The following CDH20 variants were observed in gnomAD, a reference collection of about 807,000 sequenced individuals.
The protein encoded by CDH20 is cadherin-20.
A neutral mutation model predicts 74.2 loss-of-function variants in CDH20; 29 were observed. The observed-to-expected ratio is 0.39, with a 90% CI of 0.29 to 0.53. The LOEUF (loss-of-function observed/expected upper bound fraction) is 0.53, where lower values mean the gene tolerates loss of function less well. CDH20 is among the 20% of genes least tolerant of loss of function. The pLI is 0.69. For synonymous variants in CDH20, 469 were observed against 405.4 expected, an observed-to-expected ratio of 1.16 and a Z score of -1.88; for missense variants, 988 against 1,048.3, an observed-to-expected ratio of 0.94 and a Z score of 0.79.
chr18:61,549,567 G>A lies in CDH20; in HGVS notation c.1649-411G>A, dbSNP rs560826553. On this transcript the variant is annotated intron_variant, in intron 10 of 11. Coordinates refer to ENST00000262717, the MANE Select transcript of CDH20 (RefSeq NM_031891.4). ...ACAGGCTCCTCAGCATTCTTTTCCTGGAGGCGCAAAGCAGCACTGGGGCCT... is the reference window on the plus strand; with the variant it reads ...ACAGGCTCCTCAGCATTCTTTTCCTAGAGGCGCAAAGCAGCACTGGGGCCT... 2.0e-5 allele frequency among the ~76,000 whole-genome samples: 3 copies of A among 152,310 alleles called. No individual in the cohort carries two copies. The South Asian group carries it at 6.2e-4, about 32-fold the overall frequency.
intron 1 of CDH20, among the ~76,000 whole-genome samples, chr18:61,456,069 T>C (rs1388047763): frequency 6.6e-6 from 1 of 152,224 alleles, no homozygotes; most frequent in Non-Finnish European, 1.5e-5. Context: ...AACCCTATCA[T>C]TTAACAAGCT....
At position 61,367,854 on chromosome 18, in the gene CDH20, G is replaced by A. The variant is rs186133087; in HGVS notation, c.-153+34027G>A. ...GGCTGTGAGAGAAGGATCTGTTCCA[G>A]GTCTCTCTCTTTGGCTTGTAGATGG... is the stretch of plus-strand genomic sequence containing the variant. On this transcript the variant is annotated intron_variant, in intron 1 of 11. Coordinates refer to ENST00000262717, the MANE Select transcript of CDH20 (RefSeq NM_031891.4). 1.6e-3 allele frequency among the ~76,000 whole-genome samples: 249 copies of A among 152,180 alleles called. 2 individuals carry two copies. The highest frequency in any genetic ancestry group is 5.6e-3 in the African/African-American group (232 of 41,554).
intron 2 of CDH20, among the ~76,000 whole-genome samples, chr18:61,491,613 G>A (rs943355444): frequency 2.6e-5 from 4 of 152,086 alleles, no homozygotes; most frequent in Admixed American, 6.5e-5. Context: ...TGCTCATCTC[G>A]GCTTCCTCAA....
intron 1 of CDH20, among the ~76,000 whole-genome samples, chr18:61,456,782 CTG>C (rs1290281306): frequency 1.3e-5 from 2 of 152,118 alleles, no homozygotes; most frequent in African/African-American, 4.8e-5. Flanking sequence ...GTTCTGAAAA[CTG>C]GGAAATCCAA....
intron 1 of CDH20, among the ~76,000 whole-genome samples, chr18:61,419,676 G>T (rs1912810512): frequency 1.3e-5 from 2 of 150,648 alleles, no homozygotes; most frequent in East Asian, 1.9e-4. Flanking sequence ...AATACTCTCT[G>T]GTTCTTTTAA....
chr18:61,369,399 G>A (rs1033591238), intron 1 of CDH20, among the ~76,000 whole-genome samples: 5 of 152,060 alleles, frequency 3.3e-5, no homozygotes, highest in African/African-American at 9.7e-5. Flanking sequence ...TCTATAACTC[G>A]AAGCATAATA....
In CDH20 at chr18:61,545,134, G is replaced by A. The variant is rs998003970; in HGVS notation, c.1638G>A (p.Arg546=). The change falls in exon 10 of 12, where the codon AGG becomes AGA. Residue 546 remains arginine (R), a synonymous_variant. Transcript: ENST00000262717. The stretch of plus-strand genomic sequence containing the variant: ...CTAACAACCCCAACTTTACCATAAG[G>A]GACAACCAAGGTAATCAGGTGGATG... ...EAANNPNFTI[R]DNQDNTARIL... The A allele has an allele frequency of 1.2e-6, 2 of 1,604,108 alleles. No individual in the cohort carries two copies. The highest frequency in any genetic ancestry group is 2.7e-5 in the African/African-American group (2 of 74,640).
chr18:61,467,747 T>A (rs1910013571), intron 1 of CDH20, among the ~76,000 whole-genome samples: 1 of 152,216 alleles, frequency 6.6e-6, no homozygotes, highest in Non-Finnish European at 1.5e-5. Context: ...ATAGCAACCC[T>A]GCAATTCTAT....
chr18:61,494,188 G>GC (rs1227498791), intron 2 of CDH20, among the ~76,000 whole-genome samples: 1 of 152,154 alleles, frequency 6.6e-6, no homozygotes, highest in Non-Finnish European at 1.5e-5. Context: ...CTACCCCAAA[G>GC]CCCCAGCTTT....
intron 1 of CDH20, among the ~76,000 whole-genome samples, chr18:61,445,857 G>A (rs1177959305): frequency 4.6e-5 from 7 of 152,178 alleles, no homozygotes; most frequent in Admixed American, 3.3e-4. Context: ...GTCAACCCAA[G>A]ATTTGAGGGT....
At chr18:61,417,970 T>C (rs1912746570) in intron 1 of CDH20, among the ~76,000 whole-genome samples, 1 of 152,106 alleles carries the variant, frequency 6.6e-6, no homozygotes, top group Non-Finnish European at 1.5e-5. Flanking sequence ...AAATTAAAAA[T>C]CTAAAACAGT....
At chr18:61,532,470 T>C (rs1480070753) in intron 7 of CDH20, among the ~76,000 whole-genome samples, 1 of 151,986 alleles carries the variant, frequency 6.6e-6, no homozygotes, top group East Asian at 1.9e-4. Context: ...ATACATTGTA[T>C]TTGATACAAT....
chr18:61,543,413 A>T (rs911538456), intron 9 of CDH20, among the ~76,000 whole-genome samples: 32 of 152,150 alleles, frequency 2.1e-4, no homozygotes, highest in Non-Finnish European at 7.3e-5. Flanking sequence ...GAGGAAACAC[A>T]TATGAAGGAG....
In CDH20 at chr18:61,387,407, A is replaced by G. The variant is rs568961051; in HGVS notation, c.-153+53580A>G. On this transcript the variant is annotated intron_variant, in intron 1 of 11. Coordinates refer to ENST00000262717, the MANE Select transcript of CDH20 (RefSeq NM_031891.4). The stretch of plus-strand genomic sequence containing the variant: ...GCAATGATGAATCTGTCAAGGCAAC[A>G]TGGTACTCGTTCCTGATTACCCTCA... Among the ~76,000 whole-genome samples, 3 of 152,334 alleles carry G rather than the reference A, an allele frequency of 2.0e-5. No individual in the cohort carries two copies. In the South Asian group the frequency reaches 6.2e-4, roughly 32 times the overall value.
intron 1 of CDH20, among the ~76,000 whole-genome samples, chr18:61,409,358 T>C (rs998787695): frequency 6.6e-6 from 1 of 152,166 alleles, no homozygotes; most frequent in African/African-American, 2.4e-5. Context: ...TTTCTGTCTT[T>C]GCTAGCCTGA....
chr18:61,379,534 A>G (rs1911362840), intron 1 of CDH20, among the ~76,000 whole-genome samples: 1 of 152,188 alleles, frequency 6.6e-6, no homozygotes, highest in Admixed American at 6.5e-5. Context: ...AAGTCTATGG[A>G]ATATTCTTTA....
intron 2 of CDH20, among the ~76,000 whole-genome samples, chr18:61,494,500 T>C (rs1911064836): frequency 6.6e-6 from 1 of 152,210 alleles, no homozygotes; most frequent in Admixed American, 6.5e-5. Flanking sequence ...GTGTTACCTC[T>C]ACATGAAGAA....
chr18:61,534,064 A>C (rs114338032), intron 7 of CDH20, among the ~76,000 whole-genome samples: 3,183 of 152,326 alleles, frequency 0.021, 108 homozygotes, highest in African/African-American at 0.072. Flanking sequence ...CCCTGTTAAA[A>C]AAAATGTGCA....
intron 1 of CDH20, among the ~76,000 whole-genome samples, chr18:61,394,693 C>T (rs1013421848): frequency 6.6e-6 from 1 of 152,132 alleles, no homozygotes; most frequent in Non-Finnish European, 1.5e-5. Context: ...AAGGAATATG[C>T]TCACTGCTTT....
Sources: gnomAD v4.1 joint callset for allele counts (sites outside exome capture counted in the v4.1 genomes callset) on GRCh38, gnomAD v4.1.1 for gene constraint, MANE v1.5 for transcripts, NCBI Gene and HGNC (gene_info 2026-07-23, HGNC 2026-07-21) for gene names.